Variants in ZNF721 observed in about 807,000 individuals in gnomAD.
ZNF721 encodes the protein zinc finger protein 721.
ZNF721 carries 2 observed loss-of-function variants against 2.4 expected under a neutral mutation model. That is an observed-to-expected ratio of 0.82 (90% CI 0.34 to 2.58). The LOEUF (loss-of-function observed/expected upper bound fraction) is 2.58, where lower values mean the gene tolerates loss of function less well. ZNF721 is among the 30% of genes most tolerant of loss of function. ZNF721 has a pLI of 0.11. For missense variants in ZNF721, 1,187 were observed against 1,085.5 expected (o/e 1.09, Z -1.31); for synonymous variants, 398 against 381.8 (o/e 1.04, Z -0.50).
Position 488,834 on chromosome 4 carries a change from AAAATAAAAT to A in ZNF721, c.-94+10213_-94+10221del. 2.0e-5 allele frequency among the ~76,000 whole-genome samples: 3 copies of A among 152,194 alleles called. No homozygotes were observed. The East Asian group carries it at 5.8e-4, about 29-fold the overall frequency. On this transcript the variant is annotated intron_variant, in intron 1 of 2. Coordinates refer to ENST00000511833, the MANE Select transcript of ZNF721 (RefSeq NM_133474.4). ...ACAGAGCGATACTCCATCTCAAAAA[AAAATAAAAT>A]AAATAAAATAAAATAAAAGGAAGAG...
At chr4:498,698 A>C (rs1716452437) in intron 1 of ZNF721, among the ~76,000 whole-genome samples, 1 of 150,764 alleles carries the variant, frequency 6.6e-6, no homozygotes, top group African/African-American at 2.4e-5. Context: ...GATATTTACC[A>C]GTTGTCTGAG....
chr4:447,247 A>C (rs2108691147), intron 2 of ZNF721, among the ~76,000 whole-genome samples: 1 of 152,196 alleles, frequency 6.6e-6, no homozygotes, highest in South Asian at 2.1e-4. Context: ...GCATGAACCC[A>C]GGAGGCAGAG....
rs1194955966 is a variant in ZNF721 at position 442,549 on chromosome 4, G to A, written c.1918C>T (p.Pro640Ser). ...QQKKIYTGEK[P>S]YKCEECGKAF... Reference sequence around the variant, plus strand: ...TTGCCACACTCTTCACATTTGTAAGGTTTCTCCCCAGTGTAAATTTTCTTC... The same window carrying A: ...TTGCCACACTCTTCACATTTGTAAGATTTCTCCCCAGTGTAAATTTTCTTC... The change falls in exon 3 of 3, where the codon CCT (proline) becomes TCT (serine). Residue 640 changes from proline (P) to serine (S), a missense_variant. Transcript: ENST00000511833. 2 of 1,613,774 alleles carry A rather than the reference G, an allele frequency of 1.2e-6. No homozygotes were observed. The highest frequency in any genetic ancestry group is 1.7e-6 in the Non-Finnish European group (2 of 1,179,862).
intron 1 of ZNF721, among the ~76,000 whole-genome samples, chr4:476,147 G>A (rs1347131800): frequency 1.3e-5 from 2 of 152,128 alleles, no homozygotes; most frequent in East Asian, 1.9e-4. Flanking sequence ...TCCAACTCAT[G>A]GTATTGACCA....
chr4:443,089 G>A lies in ZNF721; in HGVS notation c.1378C>T (p.Leu460=), dbSNP rs1379336656. 2 of 1,613,720 alleles carry A rather than the reference G, an allele frequency of 1.2e-6. No individual in the cohort carries two copies. The highest frequency in any genetic ancestry group is 2.7e-5 in the African/African-American group (2 of 74,900). The change falls in exon 3 of 3, where the codon CTG becomes TTG. Residue 460 remains leucine, a synonymous_variant. Coordinates refer to ENST00000511833, the MANE Select transcript of ZNF721 (RefSeq NM_133474.4). The part of the protein sequence containing the change: ...CGKAFIHSLH[L]NKHEKIHTGK... Reference sequence around the variant, plus strand: ...GTATGAATTTTCTCATGTTTATTCAGGTGCAAGGAATGTATAAAGGCTTTC... The same window carrying A: ...GTATGAATTTTCTCATGTTTATTCAAGTGCAAGGAATGTATAAAGGCTTTC...
At chr4:498,673 G>A (rs1716448826) in intron 1 of ZNF721, among the ~76,000 whole-genome samples, 2 of 151,214 alleles carry the variant, frequency 1.3e-5, no homozygotes, top group Admixed American at 1.3e-4. Context: ...TCTTTAAAAC[G>A]AAGTTAATCA....
intron 2 of ZNF721, among the ~76,000 whole-genome samples, chr4:469,317 A>G (rs1715355782): frequency 6.6e-6 from 1 of 152,170 alleles, no homozygotes; most frequent in South Asian, 2.1e-4. Context: ...TTACAATACT[A>G]TAAAAATAAG....
At chr4:495,415 C>T (rs1716125489) in intron 1 of ZNF721, among the ~76,000 whole-genome samples, 2 of 145,784 alleles carry the variant, frequency 1.4e-5, no homozygotes, top group Non-Finnish European at 3.0e-5. Context: ...AACATGCACA[C>T]ATACACACCC....
At chr4:489,941 C>A (rs1715981982) in intron 1 of ZNF721, among the ~76,000 whole-genome samples, 1 of 152,062 alleles carries the variant, frequency 6.6e-6, no homozygotes, top group African/African-American at 2.4e-5. Flanking sequence ...CTCACTGCAA[C>A]CTCTGCCTCC....
chr4:495,007 G>A (rs111267612), intron 1 of ZNF721, among the ~76,000 whole-genome samples: 1 of 150,198 alleles, frequency 6.7e-6, no homozygotes, highest in Admixed American at 6.7e-5. Flanking sequence ...CTCAGCCTCC[G>A]GAGTAGCTGG....
At chr4:471,876 TTAAA>T (rs1228672680) in intron 2 of ZNF721, among the ~76,000 whole-genome samples, 2 of 152,252 alleles carry the variant, frequency 1.3e-5, no homozygotes, top group Admixed American at 6.5e-5. Flanking sequence ...ATTGTACACA[TTAAA>T]TATAGTTAAA....
At chr4:466,238 T>C (rs1715246850) in intron 2 of ZNF721, among the ~76,000 whole-genome samples, 1 of 152,248 alleles carries the variant, frequency 6.6e-6, no homozygotes, top group Non-Finnish European at 1.5e-5. Flanking sequence ...CCACCCTGCA[T>C]GCGTGTGCAC....
At position 440,373 on chromosome 4, in the gene ZNF721, GAATT is replaced by G. The variant is rs1160649101; in HGVS notation, c.*1318_*1321del. ...GTTGAAATAGTATAATTTTAGAGTT[GAATT>G]ATTTGCTTTTGAAAAAAATTTTTAC... On this transcript the variant is annotated 3_prime_UTR_variant, in exon 3 of 3. Transcript: ENST00000511833. 1 of 151,990 alleles carries G rather than the reference GAATT, an allele frequency of 6.6e-6. No homozygotes were observed. Among genetic ancestry groups the G allele is most frequent in the Non-Finnish European group, 1.5e-5 (1 of 68,028 alleles). The allele number at this position is 151,990 out of a possible 1,614,324, so 9.4% of individuals were successfully genotyped here. A position where few individuals can be genotyped will look rare whatever the true frequency, so the allele number is the denominator to read the frequency against.
At position 463,901 on chromosome 4, in the gene ZNF721, CATA is replaced by C. The variant is rs375856459; in HGVS notation, c.34+8671_34+8673del. ...TACACATATACCTCAGAACTTAGAG[CATA>C]ATAATAAAAAATAAATTGCTAATAC... On this transcript the variant is annotated intron_variant, in intron 2 of 2. Transcript: ENST00000511833. 5.5e-3 allele frequency among the ~76,000 whole-genome samples: 839 copies of C among 151,558 alleles called. 11 individuals are homozygous for C. Among genetic ancestry groups the C allele is most frequent in the African/African-American group, 0.018 (758 of 41,292 alleles).
chr4:486,945 C>T (rs1472727041), intron 1 of ZNF721, among the ~76,000 whole-genome samples: 1 of 152,156 alleles, frequency 6.6e-6, no homozygotes, highest in African/African-American at 2.4e-5. Flanking sequence ...TCAGAAGTGT[C>T]ACTCCAGCCC....
intron 1 of ZNF721, among the ~76,000 whole-genome samples, chr4:480,820 T>TTG (rs1161204655): frequency 1.0e-5 from 1 of 100,364 alleles, no homozygotes; most frequent in Admixed American, 8.7e-5. Flanking sequence ...CTTTCACCTT[T>TTG]TGTGGGGGGG....
intron 1 of ZNF721, among the ~76,000 whole-genome samples, chr4:490,953 C>CAA (rs782176446): frequency 6.7e-5 from 8 of 119,466 alleles, no homozygotes; most frequent in African/African-American, 1.9e-4. Flanking sequence ...GACTACATCT[C>CAA]AAAAAAAAAA....
chr4:449,367 G>C (rs1297298560), intron 2 of ZNF721, among the ~76,000 whole-genome samples: 2 of 151,770 alleles, frequency 1.3e-5, no homozygotes, highest in Non-Finnish European at 2.9e-5. Flanking sequence ...TTCAATAAAT[G>C]GTGCTAGGAA....
At chr4:464,832 C>A (rs933849621) in intron 2 of ZNF721, among the ~76,000 whole-genome samples, 1 of 151,876 alleles carries the variant, frequency 6.6e-6, no homozygotes, top group Admixed American at 6.6e-5. Context: ...GTAATCCCAG[C>A]ACTTTGGGAG....
Sources: allele counts gnomAD v4.1 joint callset (sites outside exome capture counted in the v4.1 genomes callset), GRCh38; gene constraint gnomAD v4.1.1; transcripts MANE v1.5; gene names NCBI Gene and HGNC (gene_info 2026-07-23, HGNC 2026-07-21).